The following THSD7B variants were observed in gnomAD, a reference collection of about 807,000 sequenced individuals.
THSD7B encodes the protein thrombospondin type-1 domain-containing protein 7B.
A neutral mutation model predicts 213.6 loss-of-function variants in THSD7B; 138 were observed. The observed-to-expected ratio is 0.65, with a 90% CI of 0.56 to 0.74. The LOEUF (loss-of-function observed/expected upper bound fraction) is 0.74, where lower values mean the gene tolerates loss of function less well. Ranked by LOEUF, THSD7B falls within the 30% of genes least tolerant of loss-of-function variation. THSD7B has a pLI of 0.00. For synonymous variants in THSD7B, 742 were observed against 687.0 expected (o/e 1.08, Z -1.25); for missense variants, 1,931 against 1,991.5 (o/e 0.97, Z 0.58).
At chr2:137,598,082 CT>C (rs1374697195) in intron 17 of THSD7B, among the ~76,000 whole-genome samples, 1 of 152,054 alleles carries the variant, frequency 6.6e-6, no homozygotes, top group South Asian at 2.1e-4. Context: ...CCCCATCTTT[CT>C]TTTTTTCTGT....
chr2:137,099,110 A>G (rs562998193), intron 4 of THSD7B, among the ~76,000 whole-genome samples: 3 of 152,156 alleles, frequency 2.0e-5, no homozygotes, highest in African/African-American at 7.2e-5. Context: ...AGTGTATACT[A>G]TGGGTAGGGA....
At chr2:137,626,463 CAAA>C (rs34778966) in intron 20 of THSD7B, among the ~76,000 whole-genome samples, 31 of 93,628 alleles carry the variant, frequency 3.3e-4, no homozygotes, top group South Asian at 1.4e-3. Context: ...GACTCTGTCT[CAAA>C]AAAAAAAAAA....
At chr2:137,149,862 G>A (rs1679780073) in intron 5 of THSD7B, among the ~76,000 whole-genome samples, 1 of 152,198 alleles carries the variant, frequency 6.6e-6, no homozygotes, top group Non-Finnish European at 1.5e-5. Context: ...TGTCTCAGAT[G>A]ACACTTTGGA....
Position 137,233,038 on chromosome 2 carries a change from C to T in THSD7B, c.2055C>T (p.Thr685=), listed in dbSNP as rs1054134065. Residue 685 remains threonine, a synonymous_variant, in exon 9 of 28, where the codon ACC becomes ACT. Transcript: ENST00000409968. ...EDTLVTALNA[T]IGWNGEATCG... is the part of the protein sequence containing the mutation. The stretch of plus-strand genomic sequence containing the variant: ...CATTGGTAACTGCCCTTAATGCAAC[C>T]ATTGGCTGGAATGGAGAAGCCACGT... 3 of 1,613,796 alleles carry T rather than the reference C, an allele frequency of 1.9e-6. No homozygotes were observed. The highest frequency in any genetic ancestry group is 2.5e-6 in the Non-Finnish European group (3 of 1,179,848).
At chr2:137,053,307 T>A (rs1687101348) in intron 2 of THSD7B, among the ~76,000 whole-genome samples, 1 of 152,216 alleles carries the variant, frequency 6.6e-6, no homozygotes, top group African/African-American at 2.4e-5. Flanking sequence ...TAGGAGATCA[T>A]GGCTAAGCTA....
At chr2:137,290,780 G>C (rs1204745912) in intron 12 of THSD7B, among the ~76,000 whole-genome samples, 2 of 152,018 alleles carry the variant, frequency 1.3e-5, no homozygotes, top group Admixed American at 6.6e-5. Flanking sequence ...ATCTTAATGA[G>C]TTGCATCTCC....
intron 14 of THSD7B, 118 bp from the exon 15 acceptor site, chr2:137,450,727 A>T: frequency 1.4e-6 from 1 of 733,588 alleles, no homozygotes; most frequent in Non-Finnish European, 2.1e-6. Context: ...GAACAAAATT[A>T]TTGAAGCCAC....
intron 16 of THSD7B, among the ~76,000 whole-genome samples, chr2:137,563,704 G>A: frequency 6.6e-6 from 1 of 152,054 alleles, no homozygotes; most frequent in East Asian, 1.9e-4. Context: ...TTGCATTATG[G>A]TTAGTATAGT....
intron 5 of THSD7B, among the ~76,000 whole-genome samples, chr2:137,148,168 T>G (rs1367554806): frequency 6.6e-6 from 1 of 152,078 alleles, no homozygotes; most frequent in African/African-American, 2.4e-5. Context: ...CTGAAGGTTT[T>G]ATAAAGGACT....
chr2:137,437,152 C>T (rs1260833576), intron 14 of THSD7B, among the ~76,000 whole-genome samples: 1 of 152,148 alleles, frequency 6.6e-6, no homozygotes, highest in African/African-American at 2.4e-5. Flanking sequence ...ATGCAAAGTA[C>T]ATTCTAATCC....
intron 2 of THSD7B, among the ~76,000 whole-genome samples, chr2:136,956,537 TTGAGGCTGCAG>T (rs1000924769): frequency 2.6e-5 from 4 of 151,062 alleles, no homozygotes; most frequent in Non-Finnish European, 5.9e-5. Context: ...GTTCAGAAGA[TTGAGGCTGCAG>T]TGAGCCATGC....
intron 1 of THSD7B, among the ~76,000 whole-genome samples, chr2:136,826,127 A>G (rs1682643580): frequency 6.7e-6 from 1 of 150,292 alleles, no homozygotes; most frequent in Admixed American, 6.7e-5. Context: ...TAGTTATGAA[A>G]TTATATACTC....
intron 2 of THSD7B, among the ~76,000 whole-genome samples, chr2:136,944,662 C>T (rs995857616): frequency 6.7e-6 from 1 of 149,722 alleles, no homozygotes; most frequent in Non-Finnish European, 1.5e-5. Context: ...CTCTTTTGAA[C>T]TTTGTTGGTT....
intron 12 of THSD7B, among the ~76,000 whole-genome samples, chr2:137,283,595 G>T (rs1276556795): frequency 1.3e-5 from 2 of 152,200 alleles, no homozygotes; most frequent in Non-Finnish European, 2.9e-5. Context: ...TTTATTGAGA[G>T]TTTTTAGCAT....
chr2:137,179,136 A>G (rs1289313789), intron 7 of THSD7B, among the ~76,000 whole-genome samples: 4 of 152,154 alleles, frequency 2.6e-5, no homozygotes, highest in Non-Finnish European at 5.9e-5. Flanking sequence ...TTCAAAATGT[A>G]GCTCATGTGA....
chr2:137,654,225 C>G, intron 21 of THSD7B, among the ~76,000 whole-genome samples: 1 of 152,126 alleles, frequency 6.6e-6, no homozygotes, highest in East Asian at 1.9e-4. Context: ...GGGGAGGTCC[C>G]CAAGGGGATA....
chr2:137,428,560 G>A (rs2105036297), intron 14 of THSD7B, among the ~76,000 whole-genome samples: 1 of 152,006 alleles, frequency 6.6e-6, no homozygotes, highest in African/African-American at 2.4e-5. Context: ...GCTAACACAT[G>A]GATAAATAAA....
chr2:137,599,112 C>T (rs1682026164), intron 17 of THSD7B, among the ~76,000 whole-genome samples: 1 of 148,426 alleles, frequency 6.7e-6, no homozygotes, highest in African/African-American at 2.5e-5. Flanking sequence ...CAATTCCCAC[C>T]TATGAGTGAG....
At chr2:137,036,705 G>A (rs1307235783) in intron 2 of THSD7B, among the ~76,000 whole-genome samples, 2 of 152,132 alleles carry the variant, frequency 1.3e-5, no homozygotes, top group Non-Finnish European at 2.9e-5. Flanking sequence ...GGGGAATATT[G>A]CTGAAAGGGT....
Sources: allele counts gnomAD v4.1 joint callset (sites outside exome capture counted in the v4.1 genomes callset), GRCh38; gene constraint gnomAD v4.1.1; transcripts MANE v1.5; gene names NCBI Gene and HGNC (gene_info 2026-07-23, HGNC 2026-07-21).